CRYZ: variants seen among roughly 807,000 people sequenced by gnomAD.
CRYZ encodes zeta-crystallin.
CRYZ carries 35 observed loss-of-function variants against 34.1 expected under a neutral mutation model. That is an observed-to-expected ratio of 1.03 (90% CI 0.78 to 1.36). The LOEUF (loss-of-function observed/expected upper bound fraction) is 1.36. CRYZ is among the 40% of genes most tolerant of loss of function. The pLI is 0.00. For synonymous variants in CRYZ, 137 were observed against 136.5 expected, an observed-to-expected ratio of 1.00 and a Z score of -0.03; for missense variants, 403 against 391.8, an observed-to-expected ratio of 1.03 and a Z score of -0.24.
intron 1 of CRYZ, among the ~76,000 whole-genome samples, chr1:74,732,574 G>A (rs1647856894): frequency 1.4e-5 from 2 of 141,544 alleles, no homozygotes; most frequent in South Asian, 2.4e-4. Flanking sequence ...CTGGCTGCAG[G>A]GAAAAATCAA....
intron 1 of CRYZ, among the ~76,000 whole-genome samples, chr1:74,728,703 T>G (rs1384608024): frequency 6.6e-6 from 1 of 152,170 alleles, no homozygotes; most frequent in East Asian, 1.9e-4. Context: ...ATTTTGGTAG[T>G]GTTATTGATG....
chr1:74,724,908 A>G, intron 1 of CRYZ, 74 bp from the exon 2 acceptor site: 1 of 789,494 alleles, frequency 1.3e-6, no homozygotes, highest in East Asian at 2.6e-5. Context: ...CCCTGGAGGG[A>G]GCAGATCAAA....
At chr1:74,719,526 T>G (rs1379330427) in intron 3 of CRYZ, among the ~76,000 whole-genome samples, 154 bp from the exon 4 acceptor site, 1 of 151,934 alleles carries the variant, frequency 6.6e-6, no homozygotes, top group Non-Finnish European at 1.5e-5. Flanking sequence ...GACAGAGTCT[T>G]GCACTGTCAC....
At position 74,719,294 on chromosome 1, in the gene CRYZ, A is replaced by C; in HGVS notation, c.343T>G (p.Tyr115Asp). 1 of 1,613,916 alleles carries C rather than the reference A, an allele frequency of 6.2e-7. No homozygotes were observed. The highest frequency in any genetic ancestry group is 8.5e-7 in the Non-Finnish European group (1 of 1,179,832). Residue 115 changes from tyrosine to aspartate, a missense_variant, in exon 4 of 9, where the codon TAC (tyrosine) becomes GAC (aspartate). Tyr to Asp is a radical substitution (Grantham distance 160). Transcript: ENST00000340866. ...AAGTCCAGTTTTTCAGGTAGTTTGT[A>C]AACAGTGTGGTCTGCTGCAAGAGCA... The part of the protein sequence containing the change: ...EYALAADHTV[Y>D]KLPEKLDFKQ...
intron 1 of CRYZ, among the ~76,000 whole-genome samples, chr1:74,729,957 C>G (rs1318892249): frequency 7.4e-6 from 1 of 135,038 alleles, no homozygotes; most frequent in African/African-American, 3.2e-5. Context: ...AAGCTGGGTG[C>G]TCTCTCTCTC....
chr1:74,725,510 A>G (rs1412865683), intron 1 of CRYZ, among the ~76,000 whole-genome samples: 4 of 149,692 alleles, frequency 2.7e-5, no homozygotes, highest in Non-Finnish European at 5.9e-5. Flanking sequence ...TGACTCAATT[A>G]CCTCCCACCA....
chr1:74,732,613 G>C (rs1296078339), intron 1 of CRYZ, among the ~76,000 whole-genome samples: 1 of 40,508 alleles, frequency 2.5e-5, no homozygotes, highest in Non-Finnish European at 7.4e-5. Context: ...GGGGGGGGGG[G>C]GGTGCAGCGT....
In CRYZ at chr1:74,706,272, G is replaced by A. The variant is rs1172151606; in HGVS notation, c.*24C>T. ...GAAAGACAGTACCTCTAATTACATAGGAAATCCATGAAAGAATTAATCATC... is the reference window on the plus strand; with the variant it reads ...GAAAGACAGTACCTCTAATTACATAAGAAATCCATGAAAGAATTAATCATC... On this transcript the variant is annotated 3_prime_UTR_variant, in exon 9 of 9. Transcript: ENST00000340866. 1 of 1,573,544 alleles carries A rather than the reference G, an allele frequency of 6.4e-7. No homozygotes were observed. Among genetic ancestry groups the A allele is most frequent in the African/African-American group, 1.4e-5 (1 of 73,404 alleles).
chr1:74,731,980 T>A (rs1413569913), intron 1 of CRYZ, among the ~76,000 whole-genome samples: 1 of 152,212 alleles, frequency 6.6e-6, no homozygotes. Context: ...GCAATCCTGA[T>A]GGCAAAGCTG....
At chr1:74,720,021 T>G (rs1647136277) in intron 3 of CRYZ, among the ~76,000 whole-genome samples, 1 of 151,916 alleles carries the variant, frequency 6.6e-6, no homozygotes, top group South Asian at 2.1e-4. Flanking sequence ...GCTAGTGAGG[T>G]GGGCATGTAT....
At chr1:74,714,519 C>T (rs1367141425) in intron 5 of CRYZ, 60 bp downstream of exon 5, 2 of 1,483,650 alleles carry the variant, frequency 1.3e-6, no homozygotes, top group Non-Finnish European at 9.4e-7. Context: ...ACCAAAGGAA[C>T]TATAATGTGA....
chr1:74,724,900 C>T lies in CRYZ; in HGVS notation c.-13-66G>A. The T allele has an allele frequency of 3.4e-6, 3 of 888,764 alleles. No homozygotes were observed. In the East Asian group the frequency reaches 7.6e-5, roughly 22 times the overall value. 55.1% of individuals were successfully genotyped at this position (888,764 alleles called of 1,614,324 possible). On this transcript the variant is annotated intron_variant, in intron 1 of 8. Transcript: ENST00000340866. ...TAGGATATCACCATGTTTTTCCCCC[C>T]TGGAGGGAGCAGATCAAACAATTTT...
intron 6 of CRYZ, chr1:74,708,368 CAG>C (rs923736592): frequency 2.0e-5 from 3 of 151,944 alleles, no homozygotes; most frequent in African/African-American, 7.3e-5. Flanking sequence ...CAGTAGGGAA[CAG>C]AGAGACAAAA....
chr1:74,720,191 T>A (rs1478783254), intron 3 of CRYZ, among the ~76,000 whole-genome samples: 1 of 151,994 alleles, frequency 6.6e-6, no homozygotes, highest in African/African-American at 2.4e-5. Flanking sequence ...AGATATGAAG[T>A]TTCTTCCGCA....
chr1:74,708,006 G>A (rs961455864), intron 6 of CRYZ: 4 of 152,106 alleles, frequency 2.6e-5, no homozygotes, highest in Non-Finnish European at 5.9e-5. Context: ...CCACAGAGAC[G>A]ATGAACTGGG....
intron 1 of CRYZ, chr1:74,732,634 GACAGGGAGTGC>G (rs1461174669): frequency 8.3e-6 from 1 of 121,000 alleles, no homozygotes; most frequent in Non-Finnish European, 1.8e-5. Flanking sequence ...GGGGCTGGGG[GACAGGGAGTGC>G]GGGGGGCGGA....
intron 5 of CRYZ, 144 bp downstream of exon 5, chr1:74,714,435 C>A (rs1647043953): frequency 1.5e-6 from 1 of 685,590 alleles, no homozygotes; most frequent in Non-Finnish European, 2.4e-6. Context: ...TTCAGAAGAC[C>A]AAAATCAAAA....
At chr1:74,714,776 T>G in intron 4 of CRYZ, 146 bp from the exon 5 acceptor site, 1 of 672,120 alleles carries the variant, frequency 1.5e-6, no homozygotes, top group Non-Finnish European at 2.6e-6. Context: ...GCCCCAAATA[T>G]TCCCTAAGCT....
At chr1:74,719,468 T>C (rs1488432376) in intron 3 of CRYZ, 96 bp from the exon 4 acceptor site, 36 of 1,133,134 alleles carry the variant, frequency 3.2e-5, no homozygotes, top group South Asian at 3.3e-5. Context: ...TGAGTACTCA[T>C]ATATTGTCCT....
Sources: allele counts gnomAD v4.1 joint callset (sites outside exome capture counted in the v4.1 genomes callset), GRCh38; gene constraint gnomAD v4.1.1; transcripts MANE v1.5; gene names NCBI Gene and HGNC (gene_info 2026-07-23, HGNC 2026-07-21).